FRMD4B: variants seen among roughly 807,000 people sequenced by gnomAD.
FRMD4B encodes the protein FERM domain containing 4B.
A neutral mutation model predicts 141.5 loss-of-function variants in FRMD4B; 74 were observed. The observed-to-expected ratio is 0.52, with a 90% CI of 0.43 to 0.63. FRMD4B has a LOEUF of 0.63. Ranked by LOEUF, FRMD4B falls within the 30% of genes least tolerant of loss-of-function variation. FRMD4B has a pLI of 0.00. For missense variants in FRMD4B, 1,366 were observed against 1,253.4 expected, an observed-to-expected ratio of 1.09 and a Z score of -1.36; for synonymous variants, 506 against 467.9, an observed-to-expected ratio of 1.08 and a Z score of -1.05.
chr3:69,435,057 A>T (rs1415671009), intron 1 of FRMD4B, among the ~76,000 whole-genome samples: 1 of 152,120 alleles, frequency 6.6e-6, no homozygotes, highest in Non-Finnish European at 1.5e-5. Context: ...GTCACATTGT[A>T]TTAGGGCCCA....
chr3:69,321,782 A>G (rs1024397281), intron 1 of FRMD4B, among the ~76,000 whole-genome samples: 4 of 151,962 alleles, frequency 2.6e-5, no homozygotes, highest in Non-Finnish European at 5.9e-5. Context: ...TGGCACAACC[A>G]TGACTCACTG....
intron 1 of FRMD4B, among the ~76,000 whole-genome samples, chr3:69,487,855 A>T (rs1706242818): frequency 6.6e-6 from 1 of 152,222 alleles, no homozygotes. Flanking sequence ...TGTTTCTTAC[A>T]GCTTACTTCA....
chr3:69,384,124 A>G (rs1468947652), intron 1 of FRMD4B, among the ~76,000 whole-genome samples: 6 of 152,146 alleles, frequency 3.9e-5, no homozygotes, highest in African/African-American at 9.7e-5. Flanking sequence ...AGATGTTCTT[A>G]TCAATTATGA....
chr3:69,289,455 T>C (rs1019914805), intron 4 of FRMD4B, among the ~76,000 whole-genome samples: 1 of 152,190 alleles, frequency 6.6e-6, no homozygotes, highest in Non-Finnish European at 1.5e-5. Context: ...CTGGGCACAT[T>C]AGTGTCCACT....
At chr3:69,280,676 C>T (rs951153259) in intron 5 of FRMD4B, among the ~76,000 whole-genome samples, 2 of 152,146 alleles carry the variant, frequency 1.3e-5, no homozygotes. Context: ...TGTCATTGAG[C>T]ATGTCCATGA....
At chr3:69,450,960 T>G (rs1412564706) in intron 1 of FRMD4B, among the ~76,000 whole-genome samples, 2 of 152,180 alleles carry the variant, frequency 1.3e-5, no homozygotes, top group Non-Finnish European at 2.9e-5. Context: ...CTCTGACTAA[T>G]AAGAAGAAAT....
intron 1 of FRMD4B, among the ~76,000 whole-genome samples, chr3:69,514,352 GAA>G (rs1467410965): frequency 6.6e-6 from 1 of 152,026 alleles, no homozygotes; most frequent in Non-Finnish European, 1.5e-5. Flanking sequence ...GCAAGGAGGT[GAA>G]AGAGTTGTAC....
intron 1 of FRMD4B, chr3:69,536,089 G>A (rs1701080826): frequency 4.4e-6 from 2 of 459,274 alleles, no homozygotes; most frequent in Admixed American, 6.9e-5. Context: ...TGGTGTCCTT[G>A]CCCACACTGC....
chr3:69,449,973 G>A (rs989205346), intron 1 of FRMD4B, among the ~76,000 whole-genome samples: 1 of 151,986 alleles, frequency 6.6e-6, no homozygotes, highest in Non-Finnish European at 1.5e-5. Flanking sequence ...CAAGCTTGTG[G>A]GCATGGAAGT....
intron 2 of FRMD4B, among the ~76,000 whole-genome samples, chr3:69,311,588 G>A (rs1004616066): frequency 3.3e-5 from 5 of 152,074 alleles, no homozygotes; most frequent in African/African-American, 1.2e-4. Flanking sequence ...TCATGTATTT[G>A]CAATTCACTC....
chr3:69,448,041 G>A (rs1045760163), intron 1 of FRMD4B, among the ~76,000 whole-genome samples: 10 of 129,832 alleles, frequency 7.7e-5, no homozygotes, highest in South Asian at 4.8e-4. Context: ...TTTTTTTTTC[G>A]TTTTTTCAGA....
chr3:69,395,090 G>GTGCAGGGCTTAAAACCTA (rs1559845010), intron 2 of FRMD4B, among the ~76,000 whole-genome samples: 4 of 151,832 alleles, frequency 2.6e-5, no homozygotes, highest in Non-Finnish European at 4.4e-5. Flanking sequence ...CTAGATGACG[G>GTGCAGGGCTTAAAACCTA]GTTGATAGGT....
chr3:69,343,577 G>GTTTTTGTTTTT (rs775904583), intron 1 of FRMD4B, among the ~76,000 whole-genome samples: 2 of 126,490 alleles, frequency 1.6e-5, no homozygotes, highest in Admixed American at 8.1e-5. Context: ...ACAGTTTTTT[G>GTTTTTGTTTTT]TTTTTTTTTT....
intron 1 of FRMD4B, among the ~76,000 whole-genome samples, chr3:69,494,226 C>T (rs1007734052): frequency 3.9e-5 from 6 of 152,124 alleles, no homozygotes; most frequent in African/African-American, 7.2e-5. Context: ...TGTTCCACCA[C>T]GAATGGTTAA....
chr3:69,455,599 C>G (rs1049303614), intron 1 of FRMD4B, among the ~76,000 whole-genome samples: 29 of 152,174 alleles, frequency 1.9e-4, no homozygotes, highest in African/African-American at 6.5e-4. Context: ...ACCCTGGATG[C>G]ACCATCTTTA....
At chr3:69,437,958 AT>A (rs1228470820) in intron 1 of FRMD4B, among the ~76,000 whole-genome samples, 1 of 127,830 alleles carries the variant, frequency 7.8e-6, no homozygotes, top group Non-Finnish European at 1.6e-5. Context: ...TACTAATATA[AT>A]ACTACATAAA....
chr3:69,273,392 T>C (rs964416643), intron 5 of FRMD4B, among the ~76,000 whole-genome samples: 21 of 152,344 alleles, frequency 1.4e-4, no homozygotes, highest in Middle Eastern at 3.4e-3. Context: ...GCAGAGGTTA[T>C]AACAGATATG....
intron 1 of FRMD4B, among the ~76,000 whole-genome samples, chr3:69,475,923 T>C (rs1014424255): frequency 2.8e-4 from 42 of 151,978 alleles, no homozygotes; most frequent in South Asian, 6.2e-4. Flanking sequence ...TGGTATTTCA[T>C]TGTGGTTTTG....
intron 5 of FRMD4B, among the ~76,000 whole-genome samples, chr3:69,278,817 G>A (rs1192575844): frequency 6.6e-6 from 1 of 151,936 alleles, no homozygotes. Context: ...TGGAACTCCT[G>A]GGATCAAGCG....
Sources: allele counts gnomAD v4.1 joint callset (sites outside exome capture counted in the v4.1 genomes callset), GRCh38; gene constraint gnomAD v4.1.1; transcripts MANE v1.5; gene names NCBI Gene and HGNC (gene_info 2026-07-23, HGNC 2026-07-21).